Variants in GPHN observed in about 807,000 individuals in gnomAD.
GPHN encodes the protein gephyrin.
A neutral mutation model predicts 95.5 loss-of-function variants in GPHN; 17 were observed. The observed-to-expected ratio is 0.18, with a 90% CI of 0.12 to 0.27. The LOEUF (loss-of-function observed/expected upper bound fraction) is 0.27. Among genes scored for constraint, GPHN ranks in the 10% least tolerant of loss-of-function variants. GPHN has a pLI of 1.00. For synonymous variants in GPHN, 320 were observed against 322.5 expected, an observed-to-expected ratio of 0.99 and a Z score of 0.08; for missense variants, 660 against 978.1, an observed-to-expected ratio of 0.67 and a Z score of 4.34.
At chr14:67,690,998 G>T in the GPHN span, 1 of 658,702 alleles carries the variant, frequency 1.5e-6, no homozygotes. Flanking sequence ...TCAGCTATCA[G>T]GTAGGACCAA....
At chr14:67,568,412 A>G in the GPHN span, among the ~76,000 whole-genome samples, 97 of 152,262 alleles carry the variant, frequency 6.4e-4, 1 homozygote, top group Non-Finnish European at 1.1e-3. Flanking sequence ...ACATGGACAC[A>G]GGGAGGGGAA....
intron 11 of GPHN, among the ~76,000 whole-genome samples, chr14:67,087,056 ACT>A (rs1411991474): frequency 2.7e-5 from 4 of 149,976 alleles, no homozygotes; most frequent in Admixed American, 6.6e-5. Context: ...AAAAAAAAAA[ACT>A]CTCTTCCTTC....
At chr14:67,109,801 T>C (rs970279816) in intron 13 of GPHN, among the ~76,000 whole-genome samples, 11 of 152,204 alleles carry the variant, frequency 7.2e-5, no homozygotes, top group African/African-American at 2.4e-4. Context: ...ACTTACAGAC[T>C]CTCAAATCAC....
chr14:67,712,493 C>CAAAAAAAAAAAAAAAAA, the GPHN span, among the ~76,000 whole-genome samples: 2 of 38,932 alleles, frequency 5.1e-5, no homozygotes, highest in Admixed American at 3.8e-4. Context: ...AAAAAACTTG[C>CAAAAAAAAAAAAAAAAA]AAAAAAAAAA....
intron 3 of GPHN, among the ~76,000 whole-genome samples, chr14:66,820,177 C>T (rs191260721): frequency 5.8e-4 from 89 of 152,234 alleles, no homozygotes; most frequent in Middle Eastern, 3.4e-3. Context: ...CTACCCTCTC[C>T]TTACCTTCCA....
chr14:66,841,926 G>A (rs369492576), intron 4 of GPHN, among the ~76,000 whole-genome samples: 8 of 151,856 alleles, frequency 5.3e-5, no homozygotes, highest in South Asian at 2.1e-4. Flanking sequence ...GGTGGTGCAC[G>A]CCTGTAATCC....
At chr14:66,553,563 A>C (rs1594938874) in intron 1 of GPHN, among the ~76,000 whole-genome samples, 2 of 151,092 alleles carry the variant, frequency 1.3e-5, no homozygotes, top group East Asian at 3.9e-4. Context: ...CTCCAATAAT[A>C]TTTTAATTTT....
chr14:67,395,461 C>T, the GPHN span: 3,168 of 1,614,048 alleles, frequency 2.0e-3, 57 homozygotes, highest in African/African-American at 0.036. Context: ...GCTGCTGGAC[C>T]TTCCCCGGCT....
chr14:67,569,845 C>T, the GPHN span: 1 of 904,156 alleles, frequency 1.1e-6, no homozygotes, highest in Non-Finnish European at 1.8e-6. Flanking sequence ...ATGCCATCTG[C>T]CCAGTTCTCT....
At chr14:67,578,792 C>A in the GPHN span, among the ~76,000 whole-genome samples, 4 of 152,164 alleles carry the variant, frequency 2.6e-5, no homozygotes, top group African/African-American at 9.7e-5. The surrounding 1 kb of genome is among the most constrained non-coding windows in gnomAD (Gnocchi z 5.0). Flanking sequence ...CAAATGGGCA[C>A]GTGTGGATCT....
At chr14:67,202,699 A>G in the GPHN span, among the ~76,000 whole-genome samples, 2 of 152,284 alleles carry the variant, frequency 1.3e-5, no homozygotes, top group South Asian at 4.2e-4. Flanking sequence ...TTATGTCAGT[A>G]ACACTTTAAA....
chr14:67,290,318 C>G, the GPHN span, among the ~76,000 whole-genome samples: 1 of 152,172 alleles, frequency 6.6e-6, no homozygotes, highest in African/African-American at 2.4e-5. Flanking sequence ...TAATGCTACT[C>G]TAACAAAACA....
At chr14:67,334,573 TTA>T in the GPHN span, 1,814 of 152,758 alleles carry the variant, frequency 0.012, 19 homozygotes, top group Non-Finnish European at 0.018. Context: ...TGTAGACAGT[TTA>T]TATGTCGCCT....
chr14:67,316,909 A>G, the GPHN span: 1 of 1,606,926 alleles, frequency 6.2e-7, no homozygotes, highest in Non-Finnish European at 8.5e-7. Flanking sequence ...ATCAGGTTAG[A>G]CACTTGTATT....
At chr14:67,321,003 C>G in the GPHN span, 4 of 1,453,024 alleles carry the variant, frequency 2.8e-6, no homozygotes, top group Non-Finnish European at 3.9e-6. Context: ...AGAATTATCC[C>G]CTGTCCTCAC....
At chr14:67,205,189 A>G in the GPHN span, 307 of 1,216,874 alleles carry the variant, frequency 2.5e-4, 1 homozygote, top group Admixed American at 2.4e-3. Context: ...TCAAAATGCT[A>G]TGGAACCTAC....
intron 4 of GPHN, among the ~76,000 whole-genome samples, chr14:66,876,923 C>A (rs1051718083): frequency 6.6e-6 from 1 of 152,128 alleles, no homozygotes; most frequent in South Asian, 2.1e-4. Flanking sequence ...GATACCGAAA[C>A]CTGAGAGAGA....
intron 2 of GPHN, chr14:66,761,154 C>T (rs2058739263): frequency 3.0e-6 from 1 of 336,888 alleles, no homozygotes. Context: ...ACATTTCCAT[C>T]TACAAAACAT....
the GPHN span, among the ~76,000 whole-genome samples, chr14:67,357,603 T>C: frequency 2.7e-4 from 41 of 152,228 alleles, no homozygotes; most frequent in Non-Finnish European, 4.4e-5. Flanking sequence ...TTATTCTGAC[T>C]GCTGTCAAAG....
Sources: allele counts gnomAD v4.1 joint callset (sites outside exome capture counted in the v4.1 genomes callset), GRCh38; gene constraint gnomAD v4.1.1; non-coding constraint Gnocchi (gnomAD v3.1); transcripts MANE v1.5; gene names NCBI Gene and HGNC (gene_info 2026-07-23, HGNC 2026-07-21).